Variants in SGCZ observed in about 807,000 individuals in gnomAD.
SGCZ encodes the protein zeta-sarcoglycan.
SGCZ carries 40 observed loss-of-function variants against 41.3 expected under a neutral mutation model. That is an observed-to-expected ratio of 0.97 (90% CI 0.75 to 1.26). The LOEUF is 1.26. Among genes scored for constraint, SGCZ ranks in the 50% most tolerant of loss-of-function variants. The probability of loss-of-function intolerance (pLI) is 0.00; values close to 1 mark genes in which losing one functional copy is unlikely to be tolerated. For synonymous variants in SGCZ, 206 were observed against 137.5 expected (o/e 1.50, Z -3.49); for missense variants, 552 against 369.8 (o/e 1.49, Z -4.04).
chr8:14,100,510 AAT>A (rs1311198396), intron 7 of SGCZ, among the ~76,000 whole-genome samples: 1 of 148,048 alleles, frequency 6.8e-6, no homozygotes, highest in African/African-American at 2.5e-5. Flanking sequence ...TCCTGATATT[AAT>A]ATATTATATT....
chr8:14,150,940 C>G (rs370242733), intron 5 of SGCZ, among the ~76,000 whole-genome samples: 2 of 152,150 alleles, frequency 1.3e-5, no homozygotes, highest in East Asian at 3.9e-4. Context: ...ACAAACATCA[C>G]ATGTTCTCAC....
chr8:14,819,912 C>T (rs1802022266), intron 1 of SGCZ, among the ~76,000 whole-genome samples: 1 of 151,820 alleles, frequency 6.6e-6, no homozygotes, highest in Non-Finnish European at 1.5e-5. Flanking sequence ...CACAGAAAAC[C>T]ACCAAACTAC....
chr8:14,154,789 A>C (rs950771993), intron 5 of SGCZ, among the ~76,000 whole-genome samples: 1 of 152,112 alleles, frequency 6.6e-6, no homozygotes, highest in Non-Finnish European at 1.5e-5. Flanking sequence ...ACCATGAATT[A>C]AGGAAACGGA....
intron 3 of SGCZ, 37 bp from the exon 4 acceptor site, chr8:14,237,716 G>T: frequency 6.4e-7 from 1 of 1,565,644 alleles, no homozygotes; most frequent in Middle Eastern, 1.7e-4. Flanking sequence ...ATAGAAAATA[G>T]AAATATCGTC....
chr8:14,834,712 T>A (rs898459663), intron 1 of SGCZ, among the ~76,000 whole-genome samples: 3 of 152,190 alleles, frequency 2.0e-5, no homozygotes, highest in Admixed American at 1.3e-4. Flanking sequence ...CCAACTAATT[T>A]TGAAGAAGTC....
intron 2 of SGCZ, among the ~76,000 whole-genome samples, chr8:14,502,851 G>C (rs1802194863): frequency 6.6e-6 from 1 of 152,150 alleles, no homozygotes; most frequent in Non-Finnish European, 1.5e-5. Context: ...ACTGTTGGTG[G>C]GAGTGTAAAT....
intron 1 of SGCZ, among the ~76,000 whole-genome samples, chr8:15,181,773 T>C (rs887774005): frequency 6.6e-6 from 1 of 152,236 alleles, no homozygotes; most frequent in Non-Finnish European, 1.5e-5. Flanking sequence ...TCTGTCTGTA[T>C]AATTCATAAC....
intron 1 of SGCZ, among the ~76,000 whole-genome samples, chr8:14,717,381 A>G (rs1213911644): frequency 6.6e-6 from 1 of 152,192 alleles, no homozygotes; most frequent in Admixed American, 6.6e-5. Flanking sequence ...TAAATCACTT[A>G]CAGTAATATG....
intron 2 of SGCZ, among the ~76,000 whole-genome samples, chr8:14,545,244 T>C (rs1803589229): frequency 2.0e-5 from 3 of 152,066 alleles, no homozygotes; most frequent in Non-Finnish European, 4.4e-5. Flanking sequence ...GGTCTGAGGA[T>C]GAGTTTACCA....
chr8:14,817,418 C>T (rs951711937), intron 1 of SGCZ, among the ~76,000 whole-genome samples: 1 of 152,184 alleles, frequency 6.6e-6, no homozygotes, highest in Non-Finnish European at 1.5e-5. Context: ...CCAGGGGCTG[C>T]ATCGCTTCAG....
chr8:14,688,587 G>C (rs548387310), intron 1 of SGCZ, among the ~76,000 whole-genome samples: 133 of 152,214 alleles, frequency 8.7e-4, no homozygotes, highest in African/African-American at 2.6e-3. Context: ...ATGCTGTTTT[G>C]GTTACTGTAG....
chr8:14,711,714 A>G (rs7018001), intron 1 of SGCZ, among the ~76,000 whole-genome samples: 53,292 of 151,958 alleles, frequency 0.35, 10,843 homozygotes, highest in African/African-American at 0.56. Context: ...ATTAGTGTTA[A>G]TAGTCCTTTT....
chr8:14,959,966 CAA>C (rs1800912266), intron 1 of SGCZ, among the ~76,000 whole-genome samples: 1 of 152,078 alleles, frequency 6.6e-6, no homozygotes, highest in Non-Finnish European at 1.5e-5. Context: ...AAAACTCTGC[CAA>C]AAGTCTTCTA....
At chr8:15,090,799 G>C (rs1195802799) in intron 1 of SGCZ, among the ~76,000 whole-genome samples, 1 of 152,128 alleles carries the variant, frequency 6.6e-6, no homozygotes, top group African/African-American at 2.4e-5. Flanking sequence ...ATGCCAAACA[G>C]GTGTGTGGAA....
At chr8:14,799,484 C>T (rs1585270175) in intron 1 of SGCZ, among the ~76,000 whole-genome samples, 1 of 152,080 alleles carries the variant, frequency 6.6e-6, no homozygotes, top group African/African-American at 2.4e-5. Flanking sequence ...AAAGAAAGAT[C>T]CAGTATTAAC....
At chr8:14,702,826 TAGATA>T (rs1271813054) in intron 1 of SGCZ, among the ~76,000 whole-genome samples, 1 of 26,694 alleles carries the variant, frequency 3.7e-5, no homozygotes, top group South Asian at 1.3e-3. Context: ...GATAGATAGA[TAGATA>T]GATAGATAGA....
At chr8:14,204,280 G>GTTTTTTTTTTTT (rs11384632) in intron 4 of SGCZ, among the ~76,000 whole-genome samples, 1 of 146,352 alleles carries the variant, frequency 6.8e-6, no homozygotes, top group African/African-American at 2.5e-5. Context: ...CACTCTGAAT[G>GTTTTTTTTTTTT]TTTTTTTTTT....
At chr8:15,052,786 A>C (rs1469327339) in intron 1 of SGCZ, among the ~76,000 whole-genome samples, 1 of 152,164 alleles carries the variant, frequency 6.6e-6, no homozygotes, top group Non-Finnish European at 1.5e-5. Context: ...TCCAATTTTA[A>C]TTTTGCTTGA....
chr8:14,881,583 T>C (rs1475618241), intron 1 of SGCZ, among the ~76,000 whole-genome samples: 3 of 152,110 alleles, frequency 2.0e-5, no homozygotes, highest in African/African-American at 4.8e-5. Flanking sequence ...AGAGTTGCCT[T>C]GCATTGGCCA....
Sources: allele counts gnomAD v4.1 joint callset (sites outside exome capture counted in the v4.1 genomes callset), GRCh38; gene constraint gnomAD v4.1.1; transcripts MANE v1.5; gene names NCBI Gene and HGNC (gene_info 2026-07-23, HGNC 2026-07-21).